Variants in L3MBTL3 observed in about 807,000 individuals in gnomAD.
L3MBTL3 encodes the protein L3MBTL histone methyl-lysine binding protein 3, also known as lethal(3)malignant brain tumor-like protein 3.
In L3MBTL3, 27 loss-of-function variants were observed where a neutral mutation model predicts 102.3. The ratio of observed to expected loss-of-function variants is 0.26; its 90% CI spans 0.19 to 0.36. The LOEUF (loss-of-function observed/expected upper bound fraction) is 0.36. Among genes scored for constraint, L3MBTL3 ranks in the 10% least tolerant of loss-of-function variants. L3MBTL3 has a pLI of 1.00. For missense variants in L3MBTL3, 798 were observed against 955.3 expected (o/e 0.84, Z 2.17); for synonymous variants, 340 against 320.9 (o/e 1.06, Z -0.64).
intron 19 of L3MBTL3, among the ~76,000 whole-genome samples, 187 bp from the exon 20 acceptor site, chr6:130,120,689 GATA>G (rs1272472635): frequency 2.0e-5 from 3 of 152,164 alleles, no homozygotes; most frequent in Non-Finnish European, 4.4e-5. Flanking sequence ...AATGAAAATT[GATA>G]ATGAGGAAAA....
At chr6:130,035,035 CTA>C (rs1353058687) in intron 2 of L3MBTL3, among the ~76,000 whole-genome samples, 2 of 152,130 alleles carry the variant, frequency 1.3e-5, no homozygotes, top group Non-Finnish European at 2.9e-5. Context: ...TTCGTGACGT[CTA>C]TGCTGTAGCT....
intron 15 of L3MBTL3, 67 bp downstream of exon 15, chr6:130,083,772 A>G: frequency 2.5e-6 from 2 of 785,910 alleles, no homozygotes; most frequent in South Asian, 3.4e-5. Context: ...GAAGAACAGA[A>G]CAAGATGGTA....
At chr6:130,128,454 G>GAC in intron 20 of L3MBTL3, among the ~76,000 whole-genome samples, 1 of 152,126 alleles carries the variant, frequency 6.6e-6, no homozygotes, top group Non-Finnish European at 1.5e-5. Flanking sequence ...AGGAAGGAGG[G>GAC]ACATATTGGG....
intron 19 of L3MBTL3, among the ~76,000 whole-genome samples, chr6:130,120,355 C>T (rs1786060897): frequency 6.6e-6 from 1 of 152,128 alleles, no homozygotes; most frequent in African/African-American, 2.4e-5. Context: ...TTAGGTTACT[C>T]CTGGTCAGAA....
intron 19 of L3MBTL3, among the ~76,000 whole-genome samples, chr6:130,105,497 A>G (rs1784930208): frequency 6.6e-6 from 1 of 151,960 alleles, no homozygotes; most frequent in African/African-American, 2.4e-5. Flanking sequence ...AAATCCCAGC[A>G]TCCAAAAATG....
intron 2 of L3MBTL3, among the ~76,000 whole-genome samples, chr6:130,040,261 G>A (rs1032396289): frequency 1.3e-4 from 20 of 151,548 alleles, no homozygotes; most frequent in African/African-American, 2.9e-4. Flanking sequence ...CCCGGGAGGC[G>A]GAGGTTGCAG....
chr6:130,118,310 G>A (rs923892874), intron 19 of L3MBTL3, among the ~76,000 whole-genome samples: 2 of 152,180 alleles, frequency 1.3e-5, no homozygotes, highest in African/African-American at 4.8e-5. Flanking sequence ...TTCAAGGCGT[G>A]TTATAAAATA....
At chr6:130,088,768 C>T (rs1392035902) in intron 16 of L3MBTL3, among the ~76,000 whole-genome samples, 1 of 152,108 alleles carries the variant, frequency 6.6e-6, no homozygotes, top group Non-Finnish European at 1.5e-5. Context: ...TACCTATATT[C>T]TACTCTTTCT....
chr6:130,065,838 G>T (rs1309173012), intron 10 of L3MBTL3, among the ~76,000 whole-genome samples: 1 of 152,166 alleles, frequency 6.6e-6, no homozygotes, highest in Non-Finnish European at 1.5e-5. Context: ...TTAGGAGCCT[G>T]TCTCATCCAA....
At chr6:130,100,233 C>T (rs983845413) in intron 18 of L3MBTL3, among the ~76,000 whole-genome samples, 32 of 152,176 alleles carry the variant, frequency 2.1e-4, no homozygotes, top group Admixed American at 1.7e-3. Flanking sequence ...TACTACCATC[C>T]TCATTTTACA....
At chr6:130,091,463 C>A (rs890426991) in intron 16 of L3MBTL3, among the ~76,000 whole-genome samples, 6 of 151,722 alleles carry the variant, frequency 4.0e-5, no homozygotes, top group African/African-American at 1.5e-4. Flanking sequence ...TATATAATAA[C>A]CTAAAAAAAA....
intron 3 of L3MBTL3, among the ~76,000 whole-genome samples, chr6:130,045,144 T>C (rs1364819432): frequency 1.3e-5 from 2 of 152,188 alleles, no homozygotes; most frequent in Non-Finnish European, 2.9e-5. Flanking sequence ...TTTTAGCAGT[T>C]GCCAGAATCT....
rs912950213 is a variant in L3MBTL3, at chr6:130,133,693, C to T, written c.2136+72C>T. The T allele has an allele frequency of 9.0e-6, 14 of 1,557,606 alleles. No individual in the cohort carries two copies. The highest frequency in any genetic ancestry group is 4.1e-5 in the African/African-American group (3 of 73,190). On this transcript the variant is annotated intron_variant, in intron 21 of 22. Coordinates refer to ENST00000361794, the MANE Select transcript of L3MBTL3 (RefSeq NM_032438.4). The surrounding 1 kb of genome is among the most constrained non-coding windows in gnomAD (Gnocchi z 4.9). ...GGCTTAAGAGGTGTGGAACATTGAGCGTAGGTAGCGTTTAGTCTTTTTTTT... is the reference window on the plus strand; with the variant it reads ...GGCTTAAGAGGTGTGGAACATTGAGTGTAGGTAGCGTTTAGTCTTTTTTTT...
At chr6:130,063,718 G>C (rs1782058058) in intron 10 of L3MBTL3, among the ~76,000 whole-genome samples, 1 of 152,140 alleles carries the variant, frequency 6.6e-6, no homozygotes, top group East Asian at 1.9e-4. Flanking sequence ...TATCTTCTCT[G>C]TAAGGCAACA....
Position 130,051,353 on chromosome 6 carries a change from T to C in L3MBTL3, c.394T>C (p.Cys132Arg). ...TTGTCAGTATGGCAACGTAGATGAG[T>C]GTCTTTCTGGAGGAAACTATTGCAG... ...NCCQYGNVDECLSGGNYCSQN... is the reference protein window; with the variant it reads ...NCCQYGNVDERLSGGNYCSQN... Residue 132 changes from cysteine to arginine, a missense_variant, in exon 6 of 23, where the codon TGT becomes CGT. Transcript: ENST00000361794. The C allele has an allele frequency of 6.2e-7, 1 of 1,614,026 alleles. No individual in the cohort carries two copies.
At chr6:130,092,938 T>C in intron 17 of L3MBTL3, 79 bp downstream of exon 17, 1 of 849,616 alleles carries the variant, frequency 1.2e-6, no homozygotes, top group Non-Finnish European at 2.0e-6. Context: ...TAGCCCTTTC[T>C]TTTTCTCCTC....
chr6:130,133,490 C>G lies in L3MBTL3; in HGVS notation c.2005C>G (p.Arg669Gly). 6.2e-7 allele frequency: 1 copy of G among 1,614,136 alleles called. No homozygotes were observed. Residue 669 changes from arginine to glycine, a missense_variant, in exon 21 of 23, where the codon CGG becomes GGG. This residue lies in a region of L3MBTL3 where 306 missense variants were observed against 314.4 expected (regional missense o/e 0.97). Coordinates refer to ENST00000361794, the MANE Select transcript of L3MBTL3 (RefSeq NM_032438.4). The surrounding 1 kb of genome is among the most constrained non-coding windows in gnomAD (Gnocchi z 4.9). Reference protein sequence around the residue: ...EEPTVQQAQRRSAVFLSFKSP... With the variant: ...EEPTVQQAQRGSAVFLSFKSP... ...ACCCACCGTCCAGCAGGCACAGCGTCGGTCAGCTGTCTTTCTGTCCTTTAA... is the reference window on the plus strand; with the variant it reads ...ACCCACCGTCCAGCAGGCACAGCGTGGGTCAGCTGTCTTTCTGTCCTTTAA...
chr6:130,066,350 C>G lies in L3MBTL3; in HGVS notation c.865-3C>G, dbSNP rs778245479. On this transcript the variant is annotated splice_region_variant and splice_polypyrimidine_tract_variant and intron_variant, in intron 10 of 22. Transcript: ENST00000361794. ...ATAATTCAACCTATTTTACCTGTTT[C>G]AGGTTTGTGGATACCGGATAAAGCT... The G allele has an allele frequency of 6.4e-7, 1 of 1,556,056 alleles. No individual in the cohort carries two copies. Among genetic ancestry groups the G allele is most frequent in the East Asian group, 2.4e-5 (1 of 41,976 alleles).
Position 130,022,290 on chromosome 6 carries a change from T to C in L3MBTL3, c.-31T>C, listed in dbSNP as rs1039757729. 6.6e-6 allele frequency: 1 copy of C among 152,240 alleles called. No homozygotes were observed. Among genetic ancestry groups the C allele is most frequent in the Non-Finnish European group, 1.5e-5 (1 of 68,044 alleles). 9.4% of individuals were successfully genotyped at this position (152,240 alleles called of 1,614,324 possible). On this transcript the variant is annotated 5_prime_UTR_variant, in exon 2 of 23. Transcript: ENST00000361794. ...GAAGATCGCCAGAGAGTTCTGTGTT[T>C]CATCACCGCCGAAAGGTAAGACCCA...
Sources: gnomAD v4.1 joint callset for allele counts (sites outside exome capture counted in the v4.1 genomes callset) on GRCh38, gnomAD v4.1.1 for gene constraint, gnomAD v4.1.1 regional missense constraint, Gnocchi (gnomAD v3.1) non-coding constraint, MANE v1.5 for transcripts, NCBI Gene and HGNC (gene_info 2026-07-23, HGNC 2026-07-21) for gene names.